The following RAB20 variants were observed in gnomAD, a reference collection of about 807,000 sequenced individuals.
RAB20 encodes the protein ras-related protein Rab-20.
In RAB20, 2 loss-of-function variants were observed where a neutral mutation model predicts 3.7. The observed-to-expected ratio is 0.54, with a 90% CI of 0.22 to 1.69. RAB20 has a LOEUF of 1.69. RAB20 is among the 40% of genes most tolerant of loss of function. The probability of loss-of-function intolerance (pLI) is 0.19; values close to 1 mark genes in which losing one functional copy is unlikely to be tolerated. For missense variants in RAB20, 276 were observed against 311.9 expected (o/e 0.88, Z 0.87); for synonymous variants, 126 against 130.8 (o/e 0.96, Z 0.25).
Position 110,527,641 on chromosome 13 carries a change from G to A in RAB20, c.173-3444C>T, listed in dbSNP as rs377043011. On this transcript the variant is annotated intron_variant, in intron 1 of 1. Coordinates refer to ENST00000267328, the MANE Select transcript of RAB20 (RefSeq NM_017817.3). ...AGGGCAACATTCCTCCCTTCCGCAC[G>A]CCTACCAGGGGTCAGCTTCAGACTG... Among the ~76,000 whole-genome samples the A allele has an allele frequency of 6.9e-4, 105 of 152,266 alleles. No individual in the cohort carries two copies. In the East Asian group the frequency reaches 0.015, roughly 22 times the overall value.
chr13:110,538,072 T>C (rs1884680067), intron 1 of RAB20, among the ~76,000 whole-genome samples: 2 of 151,746 alleles, frequency 1.3e-5, no homozygotes. Context: ...AAACCACATC[T>C]CTACAGAAAA....
chr13:110,524,134 G>A lies in RAB20; in HGVS notation c.236C>T (p.Thr79Ile). 6.2e-7 allele frequency: 1 copy of A among 1,611,012 alleles called. No individual in the cohort carries two copies. Among genetic ancestry groups the A allele is most frequent in the East Asian group, 2.2e-5 (1 of 44,870 alleles). ...GCTCTGCCGGTGATTCACATCATAG[G>A]TGAGGATGATGGCGGCCGCCCCCCG... Reference protein sequence around the residue: ...YCRGAAAIILTYDVNHRQSLV... With the variant: ...YCRGAAAIILIYDVNHRQSLV... Residue 79 changes from threonine (T) to isoleucine (I), a missense_variant, in exon 2 of 2, where the codon ACC becomes ATC. By Grantham distance (89) the Thr-to-Ile change is moderately conservative. Coordinates refer to ENST00000267328, the MANE Select transcript of RAB20 (RefSeq NM_017817.3).
At chr13:110,548,585 G>A (rs71440068) in intron 1 of RAB20, among the ~76,000 whole-genome samples, 2,762 of 152,126 alleles carry the variant, frequency 0.018, 38 homozygotes, top group African/African-American at 0.025. Flanking sequence ...GGAGCGCGGT[G>A]GGCTCACCTG....
chr13:110,548,570 C>G (rs1251491531), intron 1 of RAB20, among the ~76,000 whole-genome samples: 2 of 151,970 alleles, frequency 1.3e-5, no homozygotes, highest in Non-Finnish European at 2.9e-5. Flanking sequence ...CATGAAGGCA[C>G]CAGGGGAGCG....
At position 110,561,451 on chromosome 13, in the gene RAB20, C is replaced by G. The variant is rs1394234153; in HGVS notation, c.69G>C (p.Gln23His). Residue 23 changes from glutamine to histidine, a missense_variant, in exon 1 of 2, where the codon CAG (glutamine) becomes CAC (histidine). Gln to His is a conservative substitution (Grantham distance 24). Transcript: ENST00000267328. ...CCGGGAAGCGCCGCTCCATATACCGCTGCAGCAGCGACGTCTTCCCCACGT... is the reference window on the plus strand; with the variant it reads ...CCGGGAAGCGCCGCTCCATATACCGGTGCAGCAGCGACGTCTTCCCCACGT... ...DMNVGKTSLL[Q>H]RYMERRFPDT... The G allele has an allele frequency of 6.2e-7, 1 of 1,606,276 alleles. No homozygotes were observed. The highest frequency in any genetic ancestry group is 1.7e-5 in the Admixed American group (1 of 59,558).
chr13:110,525,276 C>T (rs936272655), intron 1 of RAB20, among the ~76,000 whole-genome samples: 5 of 152,238 alleles, frequency 3.3e-5, no homozygotes, highest in Non-Finnish European at 7.3e-5. Context: ...TACATTTAAA[C>T]GCAGAGACCC....
intron 1 of RAB20, among the ~76,000 whole-genome samples, chr13:110,559,708 T>C (rs557984656): frequency 6.6e-6 from 1 of 152,338 alleles, no homozygotes; most frequent in East Asian, 1.9e-4. Flanking sequence ...TCAAGACATC[T>C]GGGGCGTCAC....
intron 1 of RAB20, among the ~76,000 whole-genome samples, chr13:110,525,953 C>T (rs903052664): frequency 6.6e-6 from 1 of 152,218 alleles, no homozygotes; most frequent in Non-Finnish European, 1.5e-5. Flanking sequence ...AACAAGCAAA[C>T]CCCAAGTGAG....
At chr13:110,551,745 T>C (rs573370978) in intron 1 of RAB20, among the ~76,000 whole-genome samples, 53 of 152,130 alleles carry the variant, frequency 3.5e-4, no homozygotes, top group Middle Eastern at 3.4e-3. Context: ...AGGGATGTTA[T>C]ATGAAGTCTC....
intron 1 of RAB20, among the ~76,000 whole-genome samples, chr13:110,543,778 T>TA (rs60476574): frequency 1.7e-5 from 2 of 118,440 alleles, no homozygotes; most frequent in South Asian, 2.8e-4. Flanking sequence ...TGGGTTATTT[T>TA]TTTTTTTTTT....
intron 1 of RAB20, among the ~76,000 whole-genome samples, chr13:110,560,653 A>G (rs1046453310): frequency 6.6e-5 from 10 of 152,170 alleles, no homozygotes; most frequent in Non-Finnish European, 1.3e-4. Flanking sequence ...TATTTTCCAA[A>G]GTTAAACAGA....
intron 1 of RAB20, among the ~76,000 whole-genome samples, chr13:110,550,532 A>G (rs1169057556): frequency 6.6e-6 from 1 of 152,100 alleles, no homozygotes. Flanking sequence ...GCAGAATTAA[A>G]CTGGAGGACA....
chr13:110,539,144 C>A (rs1884708579), intron 1 of RAB20, among the ~76,000 whole-genome samples: 1 of 152,142 alleles, frequency 6.6e-6, no homozygotes, highest in African/African-American at 2.4e-5. Flanking sequence ...TAGTTGCTTG[C>A]ATTTATAGTT....
At chr13:110,556,480 T>C (rs995422994) in intron 1 of RAB20, among the ~76,000 whole-genome samples, 3 of 152,220 alleles carry the variant, frequency 2.0e-5, no homozygotes, top group Admixed American at 2.0e-4. Context: ...GAGACTCATT[T>C]GGGACTTCTG....
chr13:110,540,084 A>C (rs1848037642), intron 1 of RAB20, among the ~76,000 whole-genome samples: 1 of 152,254 alleles, frequency 6.6e-6, no homozygotes, highest in Admixed American at 6.5e-5. Context: ...ATCACTCTTC[A>C]GACATGAATG....
chr13:110,524,060 T>C lies in RAB20; in HGVS notation c.310A>G (p.Lys104Glu). 2 of 1,614,038 alleles carry C rather than the reference T, an allele frequency of 1.2e-6. No homozygotes were observed. The highest frequency in any genetic ancestry group is 2.2e-5 in the East Asian group (1 of 44,862). ...CCCACGATGGCAAAGAGGCAGTCTT[T>C]GCTGGCTGTGTCTGTCAGGCCCAGG... Reference protein sequence around the residue: ...RFLGLTDTASKDCLFAIVGNK... With the variant: ...RFLGLTDTASEDCLFAIVGNK... The change falls in exon 2 of 2, where the codon AAA (lysine) becomes GAA (glutamate). Residue 104 changes from lysine (K) to glutamate (E), a missense_variant. By Grantham distance (56) the Lys-to-Glu change is moderately conservative. Coordinates refer to ENST00000267328, the MANE Select transcript of RAB20 (RefSeq NM_017817.3).
At chr13:110,548,141 G>A (rs923685988) in intron 1 of RAB20, among the ~76,000 whole-genome samples, 2 of 150,656 alleles carry the variant, frequency 1.3e-5, no homozygotes, top group Admixed American at 1.3e-4. Context: ...ACTTCAGTTA[G>A]AATGCTACAT....
At chr13:110,529,520 C>A (rs1056425662) in intron 1 of RAB20, among the ~76,000 whole-genome samples, 7 of 152,196 alleles carry the variant, frequency 4.6e-5, no homozygotes, top group Admixed American at 1.3e-4. Flanking sequence ...AAATAAACAG[C>A]CTCAGGTCCA....
intron 1 of RAB20, among the ~76,000 whole-genome samples, chr13:110,539,157 TTTAA>T (rs772441583): frequency 1.2e-4 from 19 of 152,240 alleles, no homozygotes; most frequent in Non-Finnish European, 2.2e-4. Context: ...TTATAGTTGC[TTTAA>T]TTTTGTTCTG....
Sources: allele counts gnomAD v4.1 joint callset (sites outside exome capture counted in the v4.1 genomes callset), GRCh38; gene constraint gnomAD v4.1.1; transcripts MANE v1.5; gene names NCBI Gene and HGNC (gene_info 2026-07-23, HGNC 2026-07-21).